The following DLGAP2 variants were observed in gnomAD, a reference collection of about 807,000 sequenced individuals.
DLGAP2 encodes DLG associated protein 2.
In DLGAP2, 26 loss-of-function variants were observed where a neutral mutation model predicts 100.3. The observed-to-expected ratio is 0.26, with a 90% confidence interval of 0.19 to 0.36. The LOEUF is 0.36. Ranked by LOEUF, DLGAP2 falls within the 10% of genes least tolerant of loss-of-function variation. The pLI, the probability that DLGAP2 is intolerant of heterozygous loss-of-function variation, is 1.00. For synonymous variants in DLGAP2, 886 were observed against 630.1 expected, an observed-to-expected ratio of 1.41 and a Z score of -6.08; for missense variants, 1,858 against 1,453.2, an observed-to-expected ratio of 1.28 and a Z score of -4.53.
intron 5 of DLGAP2, among the ~76,000 whole-genome samples, chr8:1,562,443 G>A (rs569772128): frequency 1.9e-5 from 1 of 53,264 alleles, no homozygotes. Context: ...GGGTGTCCGC[G>A]CCTCGTTGCT....
intron 2 of DLGAP2, among the ~76,000 whole-genome samples, chr8:1,179,858 C>T (rs1377287457): frequency 6.6e-6 from 1 of 152,104 alleles, no homozygotes; most frequent in Non-Finnish European, 1.5e-5. Context: ...GAAAGATATT[C>T]AGTATATAAC....
At chr8:1,132,923 G>A (rs1187000055) in intron 2 of DLGAP2, among the ~76,000 whole-genome samples, 1 of 152,206 alleles carries the variant, frequency 6.6e-6, no homozygotes, top group Admixed American at 6.5e-5. Flanking sequence ...ACAGAAAAAT[G>A]TTAACTCGCT....
intron 6 of DLGAP2, among the ~76,000 whole-genome samples, chr8:1,572,697 G>GTAT (rs1802779873): frequency 9.0e-6 from 1 of 111,356 alleles, no homozygotes. Context: ...AGGGTGGACT[G>GTAT]TGGGGGTGTC....
intron 1 of DLGAP2, among the ~76,000 whole-genome samples, chr8:787,842 C>G (rs942833498): frequency 1.2e-4 from 19 of 152,198 alleles, no homozygotes; most frequent in African/African-American, 3.9e-4. Context: ...TCGCTCAGCA[C>G]TTGGGGCTGC....
intron 2 of DLGAP2, among the ~76,000 whole-genome samples, chr8:912,020 T>G (rs1299751475): frequency 6.6e-6 from 1 of 152,236 alleles, no homozygotes; most frequent in Non-Finnish European, 1.5e-5. Flanking sequence ...TTCTTTAGGC[T>G]GCACAATTGG....
At chr8:787,918 C>T (rs1325045673) in intron 1 of DLGAP2, among the ~76,000 whole-genome samples, 1 of 152,144 alleles carries the variant, frequency 6.6e-6, no homozygotes, top group African/African-American at 2.4e-5. Flanking sequence ...TGATTAAAAC[C>T]ACCTTGCTCA....
intron 2 of DLGAP2, among the ~76,000 whole-genome samples, chr8:1,029,058 T>C (rs1410677125): frequency 6.6e-6 from 1 of 152,100 alleles, no homozygotes; most frequent in Admixed American, 6.5e-5. Flanking sequence ...GACTCTGCAC[T>C]TTCAGCTGGA....
intron 2 of DLGAP2, among the ~76,000 whole-genome samples, chr8:1,159,937 G>C (rs1032043430): frequency 6.6e-6 from 1 of 152,112 alleles, no homozygotes; most frequent in Non-Finnish European, 1.5e-5. Context: ...TGTGAGATTA[G>C]AACAAAATTT....
chr8:1,485,071 T>C lies in DLGAP2; in HGVS notation c.107-16295T>C, dbSNP rs138045340. 8.5e-5 allele frequency among the ~76,000 whole-genome samples: 13 copies of C among 152,312 alleles called. No individual in the cohort carries two copies. In the East Asian group the frequency reaches 2.5e-3, roughly 29 times the overall value. ...TGCCACGGCCTCTCTTAAAGAACTA[T>C]AGAGAATGATGTGGACACTTACAAA... On this transcript the variant is annotated intron_variant, in intron 3 of 14. Coordinates refer to ENST00000637795, the MANE Select transcript of DLGAP2 (RefSeq NM_001346810.2).
intron 3 of DLGAP2, among the ~76,000 whole-genome samples, chr8:1,304,576 G>A (rs1475734821): frequency 6.6e-6 from 1 of 152,144 alleles, no homozygotes; most frequent in Non-Finnish European, 1.5e-5. Context: ...GAAGAAAGTA[G>A]GATGAGAAAA....
At chr8:895,674 T>C (rs529903738) in intron 1 of DLGAP2, among the ~76,000 whole-genome samples, 1 of 152,240 alleles carries the variant, frequency 6.6e-6, no homozygotes, top group African/African-American at 2.4e-5. Flanking sequence ...TGAGAGCCCT[T>C]TCGGTGGTGG....
intron 3 of DLGAP2, among the ~76,000 whole-genome samples, chr8:1,407,487 T>C (rs1274144488): frequency 1.4e-5 from 2 of 146,622 alleles, no homozygotes; most frequent in Non-Finnish European, 3.0e-5. Context: ...GGTAGTGTAT[T>C]GAGTGCTTAC....
In DLGAP2 at chr8:1,267,630, T is replaced by C. The variant is rs55746026; in HGVS notation, c.106+8747T>C. ...AGATAAGATAAGATAAGATAAATAT[T>C]AAATAGGTCTACAAAAAGGCCTCCA... is the stretch of plus-strand genomic sequence containing the variant. On this transcript the variant is annotated intron_variant, in intron 3 of 14. Transcript: ENST00000637795. Among the ~76,000 whole-genome samples, 222 of 101,938 alleles carry C rather than the reference T, an allele frequency of 2.2e-3. 25 individuals are homozygous for C. Among genetic ancestry groups the C allele is most frequent in the African/African-American group, 4.4e-3 (117 of 26,342 alleles). The allele number at this position is 101,938 out of a possible 152,430, so 66.9% of individuals were successfully genotyped here.
chr8:983,892 G>T (rs1045671443), intron 2 of DLGAP2, among the ~76,000 whole-genome samples: 4 of 152,056 alleles, frequency 2.6e-5, no homozygotes, highest in Non-Finnish European at 5.9e-5. Flanking sequence ...CTCTTGCCTT[G>T]GGCTCCCAAA....
chr8:1,268,626 G>C (rs1277568521), intron 3 of DLGAP2, among the ~76,000 whole-genome samples: 1 of 152,282 alleles, frequency 6.6e-6, no homozygotes, highest in South Asian at 2.1e-4. Context: ...ATCCTTAAGA[G>C]AATTCTTATC....
At chr8:946,398 G>C (rs1351975260) in intron 2 of DLGAP2, among the ~76,000 whole-genome samples, 1 of 151,914 alleles carries the variant, frequency 6.6e-6, no homozygotes, top group Non-Finnish European at 1.5e-5. Flanking sequence ...CGAGTGTCTG[G>C]GACTACAGGC....
intron 7 of DLGAP2, among the ~76,000 whole-genome samples, chr8:1,630,285 A>G (rs1287701188): frequency 6.6e-6 from 1 of 152,198 alleles, no homozygotes; most frequent in African/African-American, 2.4e-5. Context: ...GCCCTAGGCC[A>G]CGAGACCTGA....
At chr8:1,644,579 G>A (rs1029891304) in intron 8 of DLGAP2, among the ~76,000 whole-genome samples, 8 of 152,342 alleles carry the variant, frequency 5.3e-5, no homozygotes, top group East Asian at 3.9e-4. Context: ...GCGTCTGCAC[G>A]AAGCACGGCT....
intron 3 of DLGAP2, among the ~76,000 whole-genome samples, chr8:1,358,057 T>C (rs1024370272): frequency 3.3e-5 from 5 of 151,802 alleles, no homozygotes; most frequent in Non-Finnish European, 5.9e-5. Flanking sequence ...GCTCCAGGAG[T>C]GGGGGCACAG....
Sources: gnomAD v4.1 joint callset for allele counts (sites outside exome capture counted in the v4.1 genomes callset) on GRCh38, gnomAD v4.1.1 for gene constraint, MANE v1.5 for transcripts, NCBI Gene and HGNC (gene_info 2026-07-23, HGNC 2026-07-21) for gene names.